The following MARK1 variants were observed in gnomAD, a reference collection of about 807,000 sequenced individuals.
The protein encoded by MARK1 is microtubule affinity regulating kinase 1, also known as serine/threonine-protein kinase MARK1.
A neutral mutation model predicts 96.3 loss-of-function variants in MARK1; 40 were observed. The observed-to-expected ratio is 0.42, with a 90% confidence interval of 0.32 to 0.54. The LOEUF (loss-of-function observed/expected upper bound fraction) is 0.54, where lower values mean the gene tolerates loss of function less well. Among genes scored for constraint, MARK1 ranks in the 20% least tolerant of loss-of-function variants. MARK1 has a pLI of 0.16. For synonymous variants in MARK1, 317 were observed against 341.2 expected (o/e 0.93, Z 0.78); for missense variants, 719 against 984.6 (o/e 0.73, Z 3.61).
At chr1:220,644,050 A>G (rs2103034957) in intron 13 of MARK1, among the ~76,000 whole-genome samples, 1 of 152,314 alleles carries the variant, frequency 6.6e-6, no homozygotes, top group South Asian at 2.1e-4. Flanking sequence ...TGATGACAGG[A>G]TCAAATTAAC....
At chr1:220,594,299 G>T (rs571899952) in intron 3 of MARK1, among the ~76,000 whole-genome samples, 9 of 152,274 alleles carry the variant, frequency 5.9e-5, no homozygotes, top group African/African-American at 2.2e-4. Flanking sequence ...TGTCATCAGA[G>T]AAATGATAAT....
intron 6 of MARK1, 75 bp downstream of exon 6, chr1:220,604,212 C>A: frequency 1.3e-6 from 1 of 784,306 alleles, no homozygotes; most frequent in Non-Finnish European, 2.1e-6. Flanking sequence ...ACAAACTGGA[C>A]TTCACAGCAC....
intron 9 of MARK1, chr1:220,627,286 G>T: frequency 4.0e-6 from 2 of 501,904 alleles, no homozygotes; most frequent in South Asian, 3.0e-5. Flanking sequence ...GGTGAGAGAG[G>T]GTGGCCACAA....
chr1:220,564,727 C>T (rs1281567626), intron 1 of MARK1, among the ~76,000 whole-genome samples: 1 of 151,914 alleles, frequency 6.6e-6, no homozygotes, highest in Admixed American at 6.6e-5. Context: ...TATTTTGGGC[C>T]ATTTCTTGTA....
At chr1:220,636,756 C>T (rs147358953) in intron 13 of MARK1, among the ~76,000 whole-genome samples, 7 of 151,992 alleles carry the variant, frequency 4.6e-5, no homozygotes, top group Middle Eastern at 3.4e-3. Context: ...TCAGCGCAGA[C>T]GACCTTAAAA....
chr1:220,579,525 A>C lies in MARK1; in HGVS notation c.223A>C (p.Lys75Gln), dbSNP rs761072665. Residue 75 changes from lysine to glutamine, a missense_variant, in exon 2 of 18, where the codon AAA (lysine) becomes CAA (glutamine). By Grantham distance (53) the Lys-to-Gln change is moderately conservative. Transcript: ENST00000366917. Reference protein sequence around the residue: ...TIGKGNFAKVKLARHVLTGRE... With the variant: ...TIGKGNFAKVQLARHVLTGRE... ...AGGGAAGGGAAATTTTGCCAAAGTC[A>C]AATTGGCAAGACACGTTCTAACTGG... 1 of 1,614,064 alleles carries C rather than the reference A, an allele frequency of 6.2e-7. No individual in the cohort carries two copies. Among genetic ancestry groups the C allele is most frequent in the South Asian group, 1.1e-5 (1 of 91,086 alleles).
chr1:220,586,030 G>A (rs910067309), intron 3 of MARK1, among the ~76,000 whole-genome samples: 4 of 117,622 alleles, frequency 3.4e-5, no homozygotes, highest in Admixed American at 2.7e-4. Flanking sequence ...TGCGCAGAGA[G>A]AGAGAGTTTA....
intron 11 of MARK1, among the ~76,000 whole-genome samples, chr1:220,633,107 G>A (rs1479962469): frequency 6.6e-6 from 1 of 152,064 alleles, no homozygotes; most frequent in Non-Finnish European, 1.5e-5. Context: ...CAGATCTAGC[G>A]TGAACCCGTA....
At chr1:220,608,590 T>G (rs1160295393) in intron 6 of MARK1, among the ~76,000 whole-genome samples, 1 of 152,340 alleles carries the variant, frequency 6.6e-6, no homozygotes, top group East Asian at 1.9e-4. Flanking sequence ...ATTTCTTGCC[T>G]TCTGCTAGCT....
intron 14 of MARK1, 106 bp downstream of exon 14, chr1:220,650,826 A>G (rs1668833686): frequency 2.8e-6 from 2 of 711,112 alleles, no homozygotes. Flanking sequence ...CAGTTATTAC[A>G]TGAAATAGTA....
intron 1 of MARK1, among the ~76,000 whole-genome samples, chr1:220,533,343 C>T (rs922068087): frequency 6.6e-6 from 1 of 151,860 alleles, no homozygotes; most frequent in Non-Finnish European, 1.5e-5. Flanking sequence ...TGTCACTTCA[C>T]TTCTGACCTA....
At chr1:220,610,251 T>C (rs1666361403) in intron 6 of MARK1, among the ~76,000 whole-genome samples, 3 of 152,220 alleles carry the variant, frequency 2.0e-5, no homozygotes, top group Non-Finnish European at 4.4e-5. Flanking sequence ...TTCATTTCTT[T>C]CTACTCTTTT....
At chr1:220,529,662 C>G (rs993227103) in intron 1 of MARK1, among the ~76,000 whole-genome samples, 12 of 152,148 alleles carry the variant, frequency 7.9e-5, no homozygotes, top group Non-Finnish European at 1.3e-4. Flanking sequence ...TTTTCTGTGT[C>G]TTTGATCAGA....
At chr1:220,657,253 T>C (rs1669225268) in intron 16 of MARK1, among the ~76,000 whole-genome samples, 1 of 152,224 alleles carries the variant, frequency 6.6e-6, no homozygotes, top group Non-Finnish European at 1.5e-5. Context: ...GTTTTTAGAC[T>C]TGCCTACATG....
At chr1:220,591,025 G>A (rs866304778) in intron 3 of MARK1, among the ~76,000 whole-genome samples, 1 of 152,166 alleles carries the variant, frequency 6.6e-6, no homozygotes, top group Admixed American at 6.6e-5. Flanking sequence ...TGGAAGTGGA[G>A]TGACCTTCTG....
chr1:220,661,720 G>C (rs1171497972), intron 17 of MARK1, 92 bp from the exon 18 acceptor site: 1 of 949,986 alleles, frequency 1.1e-6, no homozygotes, highest in East Asian at 2.6e-5. Flanking sequence ...ATTAGGCACT[G>C]AACTATGACC....
chr1:220,559,207 G>A (rs1662498049), intron 1 of MARK1, among the ~76,000 whole-genome samples: 1 of 152,208 alleles, frequency 6.6e-6, no homozygotes, highest in South Asian at 2.1e-4. Context: ...TGGTGCTAGA[G>A]AAGAGCAGCA....
In MARK1 at chr1:220,528,815, C is replaced by T. The variant is rs780110074; in HGVS notation, c.-8C>T. 2.3e-5 allele frequency: 36 copies of T among 1,554,256 alleles called. No homozygotes were observed. Among genetic ancestry groups the T allele is most frequent in the Non-Finnish European group, 2.8e-5 (32 of 1,149,060 alleles). On this transcript the variant is annotated 5_prime_UTR_variant, in exon 1 of 18. Transcript: ENST00000366917. ...GAGACCCCGGCCAGACCCCGCTGCC[C>T]GCACAAAATGTCGGCCCGGACGCCA...
At chr1:220,613,986 T>C (rs1394187711) in intron 6 of MARK1, among the ~76,000 whole-genome samples, 1 of 152,060 alleles carries the variant, frequency 6.6e-6, no homozygotes, top group Non-Finnish European at 1.5e-5. Flanking sequence ...TTTTGTTTGT[T>C]TGGTCGGTTG....
Sources: gnomAD v4.1 joint callset for allele counts (sites outside exome capture counted in the v4.1 genomes callset) on GRCh38, gnomAD v4.1.1 for gene constraint, MANE v1.5 for transcripts, NCBI Gene and HGNC (gene_info 2026-07-23, HGNC 2026-07-21) for gene names.